THAP6: variants seen among roughly 807,000 people sequenced by gnomAD.
The protein encoded by THAP6 is THAP domain containing 6, also known as THAP domain-containing protein 6.
Under a neutral mutation model 20.0 loss-of-function variants are expected in THAP6, and 13 were observed. That is an observed-to-expected ratio of 0.65 (90% confidence interval 0.42 to 1.03). THAP6 has a LOEUF of 1.03. Among genes scored for constraint, THAP6 ranks in the 50% least tolerant of loss-of-function variants. THAP6 has a pLI of 0.00. For synonymous variants in THAP6, 93 were observed against 92.2 expected (o/e 1.01, Z -0.05); for missense variants, 262 against 261.6 (o/e 1.00, Z -0.01).
In THAP6 at chr4:75,514,529, T is replaced by C. The variant is rs1043498064; in HGVS notation, c.-21+9T>C. On this transcript the variant is annotated intron_variant, in intron 1 of 4. Coordinates refer to ENST00000311638, the MANE Select transcript of THAP6 (RefSeq NM_144721.6). ...AGTCTTCGCTGCTAACGGTAATAAC[T>C]CTTAGGTTGCCTGTTTTCCCCCAAT... The C allele has an allele frequency of 7.0e-6, 3 of 425,904 alleles. No homozygotes were observed. The highest frequency in any genetic ancestry group is 1.3e-5 in the Non-Finnish European group (3 of 236,184). 26.4% of individuals were successfully genotyped at this position (425,904 alleles called of 1,614,324 possible).
downstream of THAP6, among the ~76,000 whole-genome samples, chr4:75,533,136 A>G (rs535803766): frequency 6.6e-6 from 1 of 152,308 alleles, no homozygotes; most frequent in African/African-American, 2.4e-5. Context: ...AATGCCTTTA[A>G]CAGTACCCAA....
At position 75,526,989 on chromosome 4, in the gene THAP6, A is replaced by G; in HGVS notation, c.444A>G (p.Pro148=). ...ATAGCTACAGTGTAATGGACAGTCC[A>G]AAGAAACTTAAGCATAAATTAGATC... ...FEHSYSVMDS[P]KKLKHKLDHV... Residue 148 remains proline, a synonymous_variant, in exon 5 of 5, where the codon CCA becomes CCG. Coordinates refer to ENST00000311638, the MANE Select transcript of THAP6 (RefSeq NM_144721.6). 6.2e-7 allele frequency: 1 copy of G among 1,614,118 alleles called. No homozygotes were observed. Among genetic ancestry groups the G allele is most frequent in the East Asian group, 2.2e-5 (1 of 44,864 alleles).
chr4:75,517,568 A>T (rs1296706021), intron 3 of THAP6: 2 of 152,470 alleles, frequency 1.3e-5, no homozygotes, highest in African/African-American at 4.8e-5. Flanking sequence ...ATGGAAGTTA[A>T]CGTAAGAAGG....
chr4:75,543,416 A>T (rs1027916579), intron 3 of THAP6, among the ~76,000 whole-genome samples: 31 of 152,334 alleles, frequency 2.0e-4, no homozygotes, highest in Non-Finnish European at 4.1e-4. Context: ...GGAGTCTCTC[A>T]ACTCTGCTTT....
intron 3 of THAP6, among the ~76,000 whole-genome samples, chr4:75,519,485 G>A (rs1423180811): frequency 2.5e-4 from 12 of 48,422 alleles, no homozygotes; most frequent in African/African-American, 8.1e-4. Context: ...CCCCTCCCCC[G>A]ACCCCACCAC....
At chr4:75,521,689 G>T (rs962480145) in intron 3 of THAP6, 47 bp from the exon 4 acceptor site, 2 of 1,520,854 alleles carry the variant, frequency 1.3e-6, no homozygotes, top group African/African-American at 2.9e-5. Context: ...ATTTAAGAAA[G>T]AACAAAAGTA....
At chr4:75,525,758 C>A (rs1726323278) in intron 4 of THAP6, among the ~76,000 whole-genome samples, 1 of 152,044 alleles carries the variant, frequency 6.6e-6, no homozygotes, top group Non-Finnish European at 1.5e-5. Flanking sequence ...ACTGTTCGAC[C>A]CTTTCAGATT....
intron 2 of THAP6, among the ~76,000 whole-genome samples, chr4:75,539,400 G>A (rs561694834): frequency 6.6e-6 from 1 of 152,234 alleles, no homozygotes; most frequent in South Asian, 2.1e-4. Context: ...ACAGGAATAA[G>A]GTGAAGACAT....
At chr4:75,520,307 T>C (rs964177898) in intron 3 of THAP6, among the ~76,000 whole-genome samples, 3 of 152,210 alleles carry the variant, frequency 2.0e-5, no homozygotes, top group African/African-American at 7.2e-5. Context: ...GGTCCATTTA[T>C]GTACACATTT....
intron 2 of THAP6, among the ~76,000 whole-genome samples, chr4:75,541,785 G>A (rs994746668): frequency 2.6e-5 from 4 of 152,088 alleles, no homozygotes; most frequent in South Asian, 2.1e-4. Context: ...GCAAGACCTC[G>A]TCTCTACTAA....
intron 3 of THAP6, chr4:75,543,129 A>G (rs1560553810): frequency 6.6e-6 from 1 of 152,228 alleles, no homozygotes; most frequent in African/African-American, 2.4e-5. Flanking sequence ...ATTGGTCCTG[A>G]TCTCTGCTAA....
chr4:75,539,279 T>G (rs1275204979), intron 2 of THAP6, among the ~76,000 whole-genome samples: 2 of 152,194 alleles, frequency 1.3e-5, no homozygotes, highest in East Asian at 3.8e-4. Flanking sequence ...GGTCTATCAT[T>G]TTATATCTGT....
upstream of THAP6, chr4:75,514,110 C>G: frequency 6.5e-7 from 1 of 1,539,550 alleles, no homozygotes; most frequent in Non-Finnish European, 8.9e-7. Context: ...TAACCTCAAA[C>G]TTAAATCCAA....
intron 1 of THAP6, among the ~76,000 whole-genome samples, chr4:75,515,165 A>G (rs187803884): frequency 2.6e-5 from 4 of 152,310 alleles, no homozygotes; most frequent in African/African-American, 9.6e-5. Context: ...TTGTGGCACA[A>G]AGAACATGGT....
Position 75,528,123 on chromosome 4 carries a change from T to C in THAP6, c.*909T>C, listed in dbSNP as rs1286434862. 18 of 985,080 alleles carry C rather than the reference T, an allele frequency of 1.8e-5. No homozygotes were observed. The East Asian group carries it at 1.8e-3, about 99-fold the overall frequency. 61.0% of individuals were successfully genotyped at this position (985,080 alleles called of 1,614,324 possible). A position where few individuals can be genotyped will look rare whatever the true frequency, so the allele number is the denominator to read the frequency against. ...ACCATTAGAAATTAATAACTGTGGC[T>C]CTTCCAGTTGAAATAGGAATTGGAG... On this transcript the variant is annotated 3_prime_UTR_variant, in exon 5 of 5. Transcript: ENST00000311638.
At chr4:75,517,332 G>C (rs1357913713) in intron 3 of THAP6, 1 of 177,540 alleles carries the variant, frequency 5.6e-6, no homozygotes, top group Non-Finnish European at 1.2e-5. Context: ...CACTTTTTAT[G>C]ATACTATTGA....
chr4:75,519,297 G>T (rs892946039), intron 3 of THAP6, among the ~76,000 whole-genome samples: 1 of 148,818 alleles, frequency 6.7e-6, no homozygotes, highest in African/African-American at 2.5e-5. Flanking sequence ...ATTATAAATT[G>T]TGCAGCTCTG....
intron 2 of THAP6, among the ~76,000 whole-genome samples, chr4:75,537,008 A>T (rs1726877232): frequency 6.6e-6 from 1 of 152,222 alleles, no homozygotes; most frequent in Admixed American, 6.5e-5. Flanking sequence ...AATTAAGAGG[A>T]TATACGGTCC....
intron 3 of THAP6, among the ~76,000 whole-genome samples, chr4:75,519,945 A>G (rs1441278946): frequency 1.3e-5 from 2 of 151,922 alleles, no homozygotes; most frequent in East Asian, 1.9e-4. Context: ...AGTCCCACCA[A>G]CAGTGTCAAA....
Sources: gnomAD v4.1 joint callset for allele counts (sites outside exome capture counted in the v4.1 genomes callset) on GRCh38, gnomAD v4.1.1 for gene constraint, MANE v1.5 for transcripts, NCBI Gene and HGNC (gene_info 2026-07-23, HGNC 2026-07-21) for gene names.